Variants in SDK1 observed in about 807,000 individuals in gnomAD.
SDK1 encodes the protein sidekick cell adhesion molecule 1.
Under a neutral mutation model 245.5 loss-of-function variants are expected in SDK1, and 157 were observed. The observed-to-expected ratio is 0.64, with a 90% CI of 0.56 to 0.73. The LOEUF (loss-of-function observed/expected upper bound fraction) is 0.73, where lower values mean the gene tolerates loss of function less well. SDK1 is among the 30% of genes least tolerant of loss of function. The pLI is 0.00. For synonymous variants in SDK1, 1,647 were observed against 1,278.5 expected (o/e 1.29, Z -6.15); for missense variants, 3,583 against 3,002.3 (o/e 1.19, Z -4.52).
At chr7:3,302,635 A>C (rs1779306913) in intron 1 of SDK1, among the ~76,000 whole-genome samples, 2 of 148,948 alleles carry the variant, frequency 1.3e-5, no homozygotes, top group African/African-American at 2.5e-5. Context: ...CCCCGACAAA[A>C]CCCGTAACGT....
chr7:3,974,850 C>A, intron 13 of SDK1: 1 of 249,236 alleles, frequency 4.0e-6, no homozygotes, highest in Non-Finnish European at 7.8e-6. Context: ...GTTTACCACT[C>A]TGCGCTTAAG....
chr7:3,803,362 G>C (rs1241731736), intron 4 of SDK1, among the ~76,000 whole-genome samples: 1 of 150,376 alleles, frequency 6.6e-6, no homozygotes, highest in African/African-American at 2.5e-5. Context: ...CTAGGCTGGA[G>C]TGCAGTGGTG....
chr7:3,614,197 C>G lies in SDK1; in HGVS notation c.299-4883C>G, dbSNP rs966625541. ...CCTGTCCTTTGGGCAGACCTTAAAC[C>G]TATATTATCCACACAGATGAGACTC... On this transcript the variant is annotated intron_variant, in intron 1 of 44. Transcript: ENST00000404826. Among the ~76,000 whole-genome samples the G allele has an allele frequency of 3.3e-5, 5 of 152,138 alleles. No homozygotes were observed. The South Asian group carries it at 8.3e-4, about 25-fold the overall frequency.
intron 4 of SDK1, among the ~76,000 whole-genome samples, chr7:3,797,613 C>G (rs985454404): frequency 6.6e-6 from 1 of 152,036 alleles, no homozygotes; most frequent in Non-Finnish European, 1.5e-5. Flanking sequence ...CTAATTTATT[C>G]TTTTAAATAT....
Position 3,729,611 on chromosome 7 carries a change from G to T in SDK1, c.713+87506G>T, listed in dbSNP as rs116025611. Among the ~76,000 whole-genome samples, 205 of 152,224 alleles carry T rather than the reference G, an allele frequency of 1.3e-3. 1 individual carries two copies. Among genetic ancestry groups the T allele is most frequent in the African/African-American group, 4.7e-3 (197 of 41,540 alleles). ...GTTGGCCACATTACCTTTGCTTCTTGTCTGGGGCAGCTTTCCCTAGACCCT... is the reference window on the plus strand; with the variant it reads ...GTTGGCCACATTACCTTTGCTTCTTTTCTGGGGCAGCTTTCCCTAGACCCT... On this transcript the variant is annotated intron_variant, in intron 4 of 44. Coordinates refer to ENST00000404826, the MANE Select transcript of SDK1 (RefSeq NM_152744.4).
Position 4,268,528 on chromosome 7 carries a change from G to A in SDK1, c.*3144G>A, listed in dbSNP as rs762347764. 329 of 1,238,358 alleles carry A rather than the reference G, an allele frequency of 2.7e-4. No individual in the cohort carries two copies. The highest frequency in any genetic ancestry group is 3.2e-4 in the Non-Finnish European group (305 of 958,366). 76.7% of individuals were successfully genotyped at this position (1,238,358 alleles called of 1,614,324 possible). A position where few individuals can be genotyped will look rare whatever the true frequency, so the allele number is the denominator to read the frequency against. ...AGAGGGGACCCAGATGGCCACACAC[G>A]GAACGCGCCTCCACAGCCCCGGGAG... On this transcript the variant is annotated 3_prime_UTR_variant, in exon 45 of 45. Coordinates refer to ENST00000404826, the MANE Select transcript of SDK1 (RefSeq NM_152744.4).
chr7:4,104,689 T>C (rs1782789791), intron 22 of SDK1, among the ~76,000 whole-genome samples: 1 of 152,190 alleles, frequency 6.6e-6, no homozygotes, highest in African/African-American at 2.4e-5. Context: ...TATGAGAATT[T>C]GTATGCATGT....
chr7:3,951,052 T>C lies in SDK1; in HGVS notation c.959+18T>C. On this transcript the variant is annotated intron_variant, in intron 6 of 44. Coordinates refer to ENST00000404826, the MANE Select transcript of SDK1 (RefSeq NM_152744.4). ...AGTGCCAGGTACGAGGCGCGTCTCC[T>C]GTGAGACTCCTAGTAAATATTCCAT... is the stretch of plus-strand genomic sequence containing the variant. The C allele has an allele frequency of 6.6e-7, 1 of 1,518,142 alleles. No homozygotes were observed. The highest frequency in any genetic ancestry group is 9.2e-7 in the Non-Finnish European group (1 of 1,092,524). 94.0% of individuals were successfully genotyped at this position (1,518,142 alleles called of 1,614,324 possible).
chr7:3,524,579 T>G (rs1362047387), intron 1 of SDK1, among the ~76,000 whole-genome samples: 1 of 152,038 alleles, frequency 6.6e-6, no homozygotes, highest in East Asian at 1.9e-4. Context: ...TACCTGTAAA[T>G]AAAGGAGAGA....
At chr7:4,037,531 C>T (rs1212756963) in intron 17 of SDK1, among the ~76,000 whole-genome samples, 2 of 152,116 alleles carry the variant, frequency 1.3e-5, no homozygotes, top group Non-Finnish European at 2.9e-5. Flanking sequence ...TTGGGAGGAT[C>T]GCCTGAGCCT....
intron 1 of SDK1, among the ~76,000 whole-genome samples, chr7:3,357,759 C>G (rs913535640): frequency 6.6e-6 from 1 of 152,100 alleles, no homozygotes; most frequent in Non-Finnish European, 1.5e-5. Context: ...GACACAGAAA[C>G]AAAGTCCCCA....
intron 1 of SDK1, among the ~76,000 whole-genome samples, chr7:3,319,171 G>A (rs1005295463): frequency 6.6e-6 from 1 of 152,190 alleles, no homozygotes; most frequent in Non-Finnish European, 1.5e-5. Flanking sequence ...ATAGAAAAAT[G>A]TGGTGTGTAG....
At chr7:3,527,551 G>C (rs1783184816) in intron 1 of SDK1, among the ~76,000 whole-genome samples, 1 of 152,206 alleles carries the variant, frequency 6.6e-6, no homozygotes, top group Non-Finnish European at 1.5e-5. Context: ...TGGCTAGTGG[G>C]TGAGTGGTAG....
At chr7:3,855,418 A>G (rs866076291) in intron 5 of SDK1, among the ~76,000 whole-genome samples, 38 of 152,214 alleles carry the variant, frequency 2.5e-4, no homozygotes, top group South Asian at 1.4e-3. Context: ...TATTGCATCC[A>G]TTAGAAATGG....
intron 1 of SDK1, among the ~76,000 whole-genome samples, chr7:3,418,380 G>T (rs996094230): frequency 6.6e-6 from 1 of 152,104 alleles, no homozygotes; most frequent in African/African-American, 2.4e-5. Flanking sequence ...TGAACAGAAT[G>T]GAATATTCAC....
chr7:3,438,203 A>G (rs1780085545), intron 1 of SDK1, among the ~76,000 whole-genome samples: 1 of 152,174 alleles, frequency 6.6e-6, no homozygotes, highest in Admixed American at 6.5e-5. Flanking sequence ...GTTAATACTA[A>G]ACTGAACGTT....
chr7:3,580,968 C>CAAAAAAAAAA (rs60617574), intron 1 of SDK1, among the ~76,000 whole-genome samples: 9 of 24,882 alleles, frequency 3.6e-4, no homozygotes, highest in Non-Finnish European at 6.0e-4. Context: ...GACTCCATCT[C>CAAAAAAAAAA]AAAAAAAAAA....
chr7:3,576,715 G>C (rs1290037978), intron 1 of SDK1, among the ~76,000 whole-genome samples: 2 of 151,990 alleles, frequency 1.3e-5, no homozygotes, highest in Admixed American at 1.3e-4. Context: ...TGCCTGTGTT[G>C]AGCCACGTGC....
chr7:3,759,610 T>TTAA (rs1273423155), intron 4 of SDK1, among the ~76,000 whole-genome samples: 1 of 150,696 alleles, frequency 6.6e-6, no homozygotes, highest in Non-Finnish European at 1.5e-5. Flanking sequence ...ATTATTATTA[T>TTAA]TATTTGGAGG....
Sources: allele counts gnomAD v4.1 joint callset (sites outside exome capture counted in the v4.1 genomes callset), GRCh38; gene constraint gnomAD v4.1.1; transcripts MANE v1.5; gene names NCBI Gene and HGNC (gene_info 2026-07-23, HGNC 2026-07-21).